TMEM272: variants seen among roughly 807,000 people sequenced by gnomAD.
TMEM272 encodes the protein transmembrane protein 272, also known as long intergenic non-protein coding RNA 282.
TMEM272 carries 8 observed loss-of-function variants against 3.7 expected under a neutral mutation model. The ratio of observed to expected loss-of-function variants is 2.17; its 90% CI spans 1.27 to 3.91. The LOEUF (loss-of-function observed/expected upper bound fraction) is 3.91. TMEM272 is among the 30% of genes most tolerant of loss of function. The pLI, the probability that TMEM272 is intolerant of heterozygous loss-of-function variation, is 0.00. For synonymous variants in TMEM272, 63 were observed against 39.8 expected (o/e 1.58, Z -2.20); for missense variants, 166 against 91.5 (o/e 1.81, Z -3.32).
intron 4 of TMEM272, among the ~76,000 whole-genome samples, chr13:51,818,436 C>T (rs370880600): frequency 8.5e-5 from 13 of 152,220 alleles, no homozygotes; most frequent in African/African-American, 3.1e-4. Flanking sequence ...AGAGTCAGAG[C>T]CTGGAGGTGA....
At chr13:51,922,334 G>A in the TMEM272 span, among the ~76,000 whole-genome samples, 4 of 152,260 alleles carry the variant, frequency 2.6e-5, no homozygotes, top group Admixed American at 6.5e-5. Flanking sequence ...GAAGTCTTGG[G>A]TGGGCGTGGC....
the TMEM272 span, among the ~76,000 whole-genome samples, chr13:51,928,136 C>T: frequency 3.3e-5 from 5 of 151,790 alleles, no homozygotes; most frequent in Admixed American, 6.6e-5. Context: ...ACTGGACAAA[C>T]GCAGCTCTTT....
the TMEM272 span, among the ~76,000 whole-genome samples, chr13:51,925,268 C>T: frequency 3.9e-5 from 6 of 152,174 alleles, no homozygotes; most frequent in Non-Finnish European, 5.9e-5. Flanking sequence ...CACATTTCAT[C>T]GACTGACTTC....
At chr13:51,844,506 T>C (rs1167030635) in intron 1 of TMEM272, among the ~76,000 whole-genome samples, 1 of 152,206 alleles carries the variant, frequency 6.6e-6, no homozygotes, top group African/African-American at 2.4e-5. Context: ...CTCCTAACCA[T>C]GCCCGAATGC....
chr13:51,857,509 A>G, the TMEM272 span, among the ~76,000 whole-genome samples: 58 of 152,266 alleles, frequency 3.8e-4, no homozygotes, highest in African/African-American at 1.4e-3. Context: ...TAGAAGGGGT[A>G]TAAGTGGAGT....
At chr13:51,832,886 T>C (rs1385177080) in intron 2 of TMEM272, among the ~76,000 whole-genome samples, 2 of 152,244 alleles carry the variant, frequency 1.3e-5, no homozygotes, top group African/African-American at 2.4e-5. Flanking sequence ...GCCTCGGCAA[T>C]GCGGACTTCA....
the TMEM272 span, among the ~76,000 whole-genome samples, chr13:51,926,131 A>G: frequency 6.6e-6 from 1 of 150,546 alleles, no homozygotes; most frequent in Non-Finnish European, 1.5e-5. Flanking sequence ...GTATGTGTCT[A>G]TGTGTGCGTG....
chr13:51,816,804 TGC>T lies in TMEM272; in HGVS notation c.509_510del (p.Cys170Ter). The T allele has an allele frequency of 1.4e-6, 1 of 702,950 alleles. No individual in the cohort carries two copies. Among genetic ancestry groups the T allele is most frequent in the Non-Finnish European group, 2.6e-6 (1 of 384,976 alleles). The allele number at this position is 702,950 out of a possible 1,614,324, so 43.5% of individuals were successfully genotyped here. ...SHTVLVLLLL[C>X]SGCVYLCSRW... ...CTGGAGCACAGGTAGACACAGCCGC[TGC>T]ACAGCAGGAGCAAGACCAGCACAGT... On this transcript the variant is annotated frameshift_variant, in exon 5 of 5. Transcript: ENST00000629372. LOFTEE classifies it low-confidence loss of function (END_TRUNC).
chr13:51,819,985 G>A (rs1269676185), intron 4 of TMEM272, among the ~76,000 whole-genome samples: 1 of 152,186 alleles, frequency 6.6e-6, no homozygotes, highest in African/African-American at 2.4e-5. Context: ...CTGGCAGGAT[G>A]ATTATTAGAG....
At chr13:51,854,298 T>C in the TMEM272 span, among the ~76,000 whole-genome samples, 3 of 152,132 alleles carry the variant, frequency 2.0e-5, no homozygotes, top group Admixed American at 2.0e-4. Flanking sequence ...GATCCCAAAG[T>C]TTCATGTAAG....
At chr13:51,838,339 C>T (rs1566352344) in intron 2 of TMEM272, 134 bp downstream of exon 2, 1 of 675,152 alleles carries the variant, frequency 1.5e-6, no homozygotes, top group Non-Finnish European at 2.7e-6. Context: ...CTGTCTTCCC[C>T]AGCTCTACCA....
intron 1 of TMEM272, among the ~76,000 whole-genome samples, chr13:51,843,440 G>C (rs896558738): frequency 1.3e-5 from 2 of 152,152 alleles, no homozygotes; most frequent in African/African-American, 4.8e-5. Context: ...TTCCAAAAGA[G>C]GGTCCCTCAA....
At chr13:51,895,786 T>C in the TMEM272 span, among the ~76,000 whole-genome samples, 1 of 152,288 alleles carries the variant, frequency 6.6e-6, no homozygotes, top group Non-Finnish European at 1.5e-5. Context: ...GTGTTCCCAA[T>C]GCGCCAAATG....
At chr13:51,855,061 A>T in the TMEM272 span, among the ~76,000 whole-genome samples, 7 of 152,296 alleles carry the variant, frequency 4.6e-5, no homozygotes, top group Middle Eastern at 3.4e-3. Flanking sequence ...GGAGGTGAAG[A>T]TTCTTTTCCC....
At chr13:51,871,412 G>A in the TMEM272 span, among the ~76,000 whole-genome samples, 6 of 152,104 alleles carry the variant, frequency 3.9e-5, no homozygotes, top group African/African-American at 1.4e-4. Flanking sequence ...GGATGACAGA[G>A]TATGACTTCT....
intron 2 of TMEM272, among the ~76,000 whole-genome samples, chr13:51,829,035 G>C (rs147857847): frequency 6.6e-6 from 1 of 152,344 alleles, no homozygotes; most frequent in African/African-American, 2.4e-5. Context: ...TGAGCAGAAG[G>C]TGGAGAATGT....
the TMEM272 span, among the ~76,000 whole-genome samples, chr13:51,853,078 C>G: frequency 0.069 from 10,513 of 151,924 alleles, 418 homozygotes; most frequent in South Asian, 0.13. Flanking sequence ...ATACTGTGTT[C>G]TTACGATAAA....
chr13:51,851,373 A>G, the TMEM272 span, among the ~76,000 whole-genome samples: 4 of 147,878 alleles, frequency 2.7e-5, no homozygotes, highest in Non-Finnish European at 6.1e-5. Flanking sequence ...AAGAGGAAGA[A>G]GAGGAAGAGG....
At chr13:51,838,448 G>C (rs1283825253) in intron 2 of TMEM272, 25 bp downstream of exon 2, 1 of 702,866 alleles carries the variant, frequency 1.4e-6, no homozygotes, top group Non-Finnish European at 2.6e-6. Flanking sequence ...ACAAAACCAG[G>C]GCATTTCTCA....
Sources: allele counts gnomAD v4.1 joint callset (sites outside exome capture counted in the v4.1 genomes callset), GRCh38; gene constraint gnomAD v4.1.1; transcripts MANE v1.5; gene names NCBI Gene and HGNC (gene_info 2026-07-23, HGNC 2026-07-21).